The following PHLPP1 variants were observed in gnomAD, a reference collection of about 807,000 sequenced individuals.
PHLPP1 encodes PH domain leucine-rich repeat-containing protein phosphatase 1.
Under a neutral mutation model 117.2 loss-of-function variants are expected in PHLPP1, and 42 were observed. That is an observed-to-expected ratio of 0.36 (90% confidence interval 0.28 to 0.46). The LOEUF (loss-of-function observed/expected upper bound fraction) is 0.46. Ranked by LOEUF, PHLPP1 falls within the 20% of genes least tolerant of loss-of-function variation. The pLI, the probability that PHLPP1 is intolerant of heterozygous loss-of-function variation, is 1.00. For synonymous variants in PHLPP1, 1,042 were observed against 970.7 expected, an observed-to-expected ratio of 1.07 and a Z score of -1.37; for missense variants, 2,084 against 2,241.9, an observed-to-expected ratio of 0.93 and a Z score of 1.42.
chr18:62,811,331 T>C (rs1275180461), intron 1 of PHLPP1, among the ~76,000 whole-genome samples: 6 of 152,164 alleles, frequency 3.9e-5, no homozygotes, highest in Admixed American at 2.0e-4. Context: ...AAATGATAAC[T>C]TATGGAATAT....
chr18:62,967,718 T>C (rs1158052660), intron 14 of PHLPP1, among the ~76,000 whole-genome samples: 1 of 152,200 alleles, frequency 6.6e-6, no homozygotes, highest in Non-Finnish European at 1.5e-5. Flanking sequence ...TATGGTTTTT[T>C]TTCTTCTTCA....
chr18:62,892,073 T>C (rs1261578959), intron 4 of PHLPP1, among the ~76,000 whole-genome samples: 1 of 137,072 alleles, frequency 7.3e-6, no homozygotes, highest in East Asian at 2.0e-4. Context: ...TTCTTTTCTT[T>C]CTTTCTTTCT....
intron 4 of PHLPP1, among the ~76,000 whole-genome samples, chr18:62,883,763 C>T (rs967236718): frequency 1.3e-5 from 2 of 152,154 alleles, no homozygotes; most frequent in African/African-American, 4.8e-5. Flanking sequence ...GGTGCATATA[C>T]TGTACATTAT....
Position 62,715,945 on chromosome 18 carries a change from G to T in PHLPP1, c.262G>T (p.Gly88Trp). The change falls in exon 1 of 17, where the codon GGG (glycine) becomes TGG (tryptophan). Residue 88 changes from glycine to tryptophan, a missense_variant. Physicochemically the swap from Gly to Trp is radical, Grantham distance 184. Coordinates refer to ENST00000262719, the MANE Select transcript of PHLPP1 (RefSeq NM_194449.4). ...GCCGGGGCCGCTGCCGGGCAGAGCGGGGGGTGCCGGGCGCAGGAGGCGGCG... is the reference window on the plus strand; with the variant it reads ...GCCGGGGCCGCTGCCGGGCAGAGCGTGGGGTGCCGGGCGCAGGAGGCGGCG... ...APPGPLPGRA[G>W]GAGRRRRRGA... The T allele has an allele frequency of 8.5e-7, 1 of 1,170,062 alleles. No individual in the cohort carries two copies. The highest frequency in any genetic ancestry group is 1.1e-6 in the Non-Finnish European group (1 of 946,996). The allele number at this position is 1,170,062 out of a possible 1,614,324, so 72.5% of individuals were successfully genotyped here. A position where few individuals can be genotyped will look rare whatever the true frequency, so the allele number is the denominator to read the frequency against.
chr18:62,869,190 C>T (rs762225224), intron 4 of PHLPP1, among the ~76,000 whole-genome samples: 17 of 151,946 alleles, frequency 1.1e-4, no homozygotes, highest in Non-Finnish European at 1.8e-4. Context: ...AATGAAGGGC[C>T]GAAGAAAGCA....
rs140819775 is a variant in PHLPP1 at position 62,762,875 on chromosome 18, A to C, written c.1576+45616A>C. Among the ~76,000 whole-genome samples, 538 of 152,342 alleles carry C rather than the reference A, an allele frequency of 3.5e-3. 1 individual carries two copies. Among genetic ancestry groups the C allele is most frequent in the Middle Eastern group, 0.01 (3 of 294 alleles). Reference sequence around the variant, plus strand: ...TACCTCTATTGCATGTATATAATTCATTTTAAAATATTGATTATTTTTTAA... The same window carrying C: ...TACCTCTATTGCATGTATATAATTCCTTTTAAAATATTGATTATTTTTTAA... On this transcript the variant is annotated intron_variant, in intron 1 of 16. Transcript: ENST00000262719.
intron 1 of PHLPP1, among the ~76,000 whole-genome samples, chr18:62,783,181 A>G (rs1186738670): frequency 1.4e-5 from 2 of 147,476 alleles, no homozygotes; most frequent in Admixed American, 6.7e-5. Context: ...AGTCACGTAT[A>G]GTTACTAGGT....
At chr18:62,861,990 AC>A (rs1915643213) in intron 4 of PHLPP1, among the ~76,000 whole-genome samples, 1 of 151,868 alleles carries the variant, frequency 6.6e-6, no homozygotes, top group South Asian at 2.1e-4. Flanking sequence ...GGAGAGTACT[AC>A]TCCGTTGTGT....
At chr18:62,972,350 T>C (rs1371143642) in intron 14 of PHLPP1, among the ~76,000 whole-genome samples, 164 bp from the exon 15 acceptor site, 2 of 152,202 alleles carry the variant, frequency 1.3e-5, no homozygotes, top group South Asian at 2.1e-4. Flanking sequence ...CTTATCAAAA[T>C]TGGCTGTTGG....
intron 1 of PHLPP1, among the ~76,000 whole-genome samples, chr18:62,826,430 C>T (rs953300720): frequency 6.6e-6 from 1 of 152,074 alleles, no homozygotes; most frequent in African/African-American, 2.4e-5. Context: ...TCTAGGGCTG[C>T]GGTAGTAGAC....
At position 62,716,556 on chromosome 18, in the gene PHLPP1, C is replaced by T. The variant is rs1421810317; in HGVS notation, c.873C>T (p.Phe291=). The change falls in exon 1 of 17, where the codon TTC becomes TTT. Residue 291 remains phenylalanine, a synonymous_variant. Transcript: ENST00000262719. This position sits in a 1 kb window ranked among gnomAD's most constrained non-coding sequence, Gnocchi z 5.7. The part of the protein sequence containing the change: ...VPPARSAPGA[F]GGPPRAPPAD... ...CCGCGAGGAGCGCGCCGGGTGCCTT[C>T]GGGGGGCCTCCGCGCGCGCCCCCCG... 1.4e-5 allele frequency: 17 copies of T among 1,188,710 alleles called. No homozygotes were observed. Among genetic ancestry groups the T allele is most frequent in the East Asian group, 3.6e-5 (1 of 27,514 alleles). The allele number at this position is 1,188,710 out of a possible 1,614,324, so 73.6% of individuals were successfully genotyped here. A position where few individuals can be genotyped will look rare whatever the true frequency, so the allele number is the denominator to read the frequency against.
At chr18:62,951,888 C>T (rs1910470504) in intron 12 of PHLPP1, among the ~76,000 whole-genome samples, 1 of 148,180 alleles carries the variant, frequency 6.7e-6, no homozygotes, top group Admixed American at 6.8e-5. Flanking sequence ...GATCTTGGCT[C>T]ACTGCAAGCT....
chr18:62,824,364 T>TG (rs1914550720), intron 1 of PHLPP1, among the ~76,000 whole-genome samples: 1 of 151,856 alleles, frequency 6.6e-6, no homozygotes, highest in Admixed American at 6.6e-5. Context: ...GGTTAAACTG[T>TG]GGTATATTCA....
intron 3 of PHLPP1, among the ~76,000 whole-genome samples, chr18:62,859,172 A>C (rs1382355043): frequency 6.6e-6 from 1 of 152,266 alleles, no homozygotes; most frequent in African/African-American, 2.4e-5. Context: ...AAAGATAAAT[A>C]GGGAGAATTA....
chr18:62,922,809 CTG>C (rs1183729078), intron 10 of PHLPP1, among the ~76,000 whole-genome samples: 1 of 152,088 alleles, frequency 6.6e-6, no homozygotes, highest in Non-Finnish European at 1.5e-5. Context: ...TCTCTGGAGA[CTG>C]TATTTTCATG....
chr18:62,975,318 G>A (rs1367001271), intron 15 of PHLPP1, 79 bp from the exon 16 acceptor site: 3 of 909,310 alleles, frequency 3.3e-6, no homozygotes, highest in Non-Finnish European at 5.4e-6. Flanking sequence ...CTGTCCAGTG[G>A]TGCGGTCTTG....
chr18:62,843,209 T>A (rs1915096910), intron 3 of PHLPP1: 1 of 152,176 alleles, frequency 6.6e-6, no homozygotes, highest in Admixed American at 6.6e-5. Flanking sequence ...AGATAAGGAT[T>A]CATTTTGATA....
At chr18:62,824,046 T>A (rs1159842279) in intron 1 of PHLPP1, 1 of 370,048 alleles carries the variant, frequency 2.7e-6, no homozygotes, top group Non-Finnish European at 5.3e-6. Context: ...GCAGGAGAAT[T>A]GCTTGAACCT....
chr18:62,811,952 T>A (rs1183683492), intron 1 of PHLPP1, among the ~76,000 whole-genome samples: 4 of 152,200 alleles, frequency 2.6e-5, no homozygotes, highest in Non-Finnish European at 5.9e-5. Flanking sequence ...CATAAAGTTT[T>A]TAGGAAATTG....
Sources: allele counts gnomAD v4.1 joint callset (sites outside exome capture counted in the v4.1 genomes callset), GRCh38; gene constraint gnomAD v4.1.1; non-coding constraint Gnocchi (gnomAD v3.1); transcripts MANE v1.5; gene names NCBI Gene and HGNC (gene_info 2026-07-23, HGNC 2026-07-21).